The following DOCK7 variants were observed in gnomAD, a reference collection of about 807,000 sequenced individuals.
DOCK7 encodes the protein dedicator of cytokinesis protein 7.
In DOCK7, 138 loss-of-function variants were observed where a neutral mutation model predicts 271.0. The ratio of observed to expected loss-of-function variants is 0.51; its 90% CI spans 0.44 to 0.59. The LOEUF (loss-of-function observed/expected upper bound fraction) is 0.59, where lower values mean the gene tolerates loss of function less well. Ranked by LOEUF, DOCK7 falls within the 20% of genes least tolerant of loss-of-function variation. The pLI, the probability that DOCK7 is intolerant of heterozygous loss-of-function variation, is 0.00. For missense variants in DOCK7, 2,066 were observed against 2,592.4 expected (o/e 0.80, Z 4.41); for synonymous variants, 823 against 876.1 (o/e 0.94, Z 1.07).
At chr1:62,583,313 C>G (rs1483296222) in intron 15 of DOCK7, 59 bp from the exon 16 acceptor site, 11 of 1,449,524 alleles carry the variant, frequency 7.6e-6, no homozygotes, top group Admixed American at 1.7e-5. Context: ...TGTTTCATAA[C>G]TATGTAAGAA....
intron 1 of DOCK7, among the ~76,000 whole-genome samples, chr1:62,677,361 C>G (rs1660647896): frequency 6.6e-6 from 1 of 152,152 alleles, no homozygotes. Context: ...TTTTCTGCCA[C>G]AACTAAACTG....
rs187923800 is a variant in DOCK7, at chr1:62,667,740, G to A, written c.39-4610C>T. Reference sequence around the variant, plus strand: ...TCAAAAATAAATAAATAAATAGGCCGGGCGCAGTGGCTCACGCCTGTAATC... The same window carrying A: ...TCAAAAATAAATAAATAAATAGGCCAGGCGCAGTGGCTCACGCCTGTAATC... On this transcript the variant is annotated intron_variant, in intron 1 of 49. Coordinates refer to ENST00000635253, the MANE Select transcript of DOCK7 (RefSeq NM_001367561.1). Among the ~76,000 whole-genome samples the A allele has an allele frequency of 8.3e-3, 1,269 of 152,066 alleles. 12 individuals are homozygous for A. The highest frequency in any genetic ancestry group is 0.013 in the African/African-American group (522 of 41,482).
intron 14 of DOCK7, among the ~76,000 whole-genome samples, chr1:62,587,219 T>C (rs1647668447): frequency 6.8e-6 from 1 of 146,970 alleles, no homozygotes; most frequent in Non-Finnish European, 1.5e-5. Context: ...CAGCTCATCA[T>C]CTCTATCATA....
intron 16 of DOCK7, 103 bp downstream of exon 16, chr1:62,583,081 G>T: frequency 2.3e-6 from 2 of 874,814 alleles, no homozygotes; most frequent in Non-Finnish European, 3.6e-6. Context: ...CCTTGAATTT[G>T]GCACATTTAG....
At chr1:62,534,654 C>T (rs1031713388) in intron 29 of DOCK7, among the ~76,000 whole-genome samples, 1 of 152,060 alleles carries the variant, frequency 6.6e-6, no homozygotes, top group Admixed American at 6.5e-5. Context: ...ACAAAAATCA[C>T]ATCATCAGAC....
intron 18 of DOCK7, among the ~76,000 whole-genome samples, chr1:62,574,647 T>C (rs1214007573): frequency 1.3e-5 from 2 of 152,228 alleles, no homozygotes; most frequent in African/African-American, 4.8e-5. Flanking sequence ...TTTTGACTTC[T>C]TTTAAAACAT....
chr1:62,562,003 T>TATATATGTAC (rs1646338839), intron 18 of DOCK7, among the ~76,000 whole-genome samples: 2 of 151,610 alleles, frequency 1.3e-5, no homozygotes, highest in African/African-American at 4.9e-5. Context: ...TATATGTACA[T>TATATATGTAC]ATATATGTAC....
chr1:62,632,305 G>C (rs1342901029), intron 10 of DOCK7, among the ~76,000 whole-genome samples: 1 of 152,144 alleles, frequency 6.6e-6, no homozygotes, highest in African/African-American at 2.4e-5. Flanking sequence ...GTAAAAAGCA[G>C]AATAAGCTGC....
chr1:62,516,211 G>A (rs1644657968), intron 31 of DOCK7, among the ~76,000 whole-genome samples: 1 of 151,912 alleles, frequency 6.6e-6, no homozygotes, highest in Admixed American at 6.6e-5. Flanking sequence ...TAAAAAAGAT[G>A]GTCACATTTG....
At chr1:62,594,212 C>T (rs1056793603) in intron 14 of DOCK7, among the ~76,000 whole-genome samples, 3 of 152,066 alleles carry the variant, frequency 2.0e-5, no homozygotes, top group Non-Finnish European at 4.4e-5. Flanking sequence ...CTGCTTTTAG[C>T]AGTGTGTACT....
Position 62,619,991 on chromosome 1 carries a change from T to G in DOCK7, c.1428A>C (p.Glu476Asp). The G allele has an allele frequency of 6.2e-7, 1 of 1,610,040 alleles. No individual in the cohort carries two copies. Among genetic ancestry groups the G allele is most frequent in the Non-Finnish European group, 8.5e-7 (1 of 1,177,542 alleles). The stretch of plus-strand genomic sequence containing the variant: ...GATCTTCATCACTTAAGCGGTCTCC[T>G]TCCTGATTTCAATAATAGAGGAAAA... Reference protein sequence around the residue: ...TLTVTNFFKQEGDRLSDEDLY... With the variant: ...TLTVTNFFKQDGDRLSDEDLY... The change falls in exon 13 of 50, where the codon GAA becomes GAC. Residue 476 changes from glutamate (E) to aspartate (D), a missense_variant and splice_region_variant. By Grantham distance (45) the Glu-to-Asp change is conservative. This residue lies in a region of DOCK7 where 1,414 missense variants were observed against 1,670.4 expected (regional missense o/e 0.85). Coordinates refer to ENST00000635253, the MANE Select transcript of DOCK7 (RefSeq NM_001367561.1).
intron 33 of DOCK7, chr1:62,511,456 T>C (rs1359225652): frequency 6.6e-6 from 1 of 152,166 alleles, no homozygotes; most frequent in Non-Finnish European, 1.5e-5. Context: ...CTTTCAACTA[T>C]AAAACTGCTT....
intron 31 of DOCK7, among the ~76,000 whole-genome samples, chr1:62,521,780 A>G (rs904615300): frequency 5.3e-5 from 8 of 152,124 alleles, no homozygotes; most frequent in African/African-American, 1.9e-4. Flanking sequence ...GTTCAAGACT[A>G]GTCTGGCCAA....
chr1:62,565,817 A>C (rs1286535995), intron 18 of DOCK7, among the ~76,000 whole-genome samples: 1 of 152,236 alleles, frequency 6.6e-6, no homozygotes, highest in Non-Finnish European at 1.5e-5. Context: ...CCATTGTCTC[A>C]GCCCAAAATC....
intron 33 of DOCK7, among the ~76,000 whole-genome samples, chr1:62,511,592 A>C (rs1334868653): frequency 6.6e-6 from 1 of 152,180 alleles, no homozygotes; most frequent in East Asian, 1.9e-4. Flanking sequence ...ACAACTATAC[A>C]TATGTCAATT....
intron 4 of DOCK7, among the ~76,000 whole-genome samples, chr1:62,648,786 G>C (rs1277490877): frequency 6.6e-6 from 1 of 151,946 alleles, no homozygotes; most frequent in East Asian, 2.0e-4. Flanking sequence ...CCAATCATGT[G>C]TATATAAATT....
chr1:62,633,655 A>G (rs1654899234), intron 9 of DOCK7, 77 bp from the exon 10 acceptor site: 2 of 941,308 alleles, frequency 2.1e-6, no homozygotes, highest in East Asian at 4.8e-5. Context: ...ACGAAAATCA[A>G]TATAACACAT....
chr1:62,480,870 G>A (rs1480381116), intron 43 of DOCK7, among the ~76,000 whole-genome samples: 3 of 152,082 alleles, frequency 2.0e-5, no homozygotes, highest in African/African-American at 7.2e-5. Flanking sequence ...TAAGCCTGGC[G>A]CCGTGGCGGG....
chr1:62,503,819 A>G (rs925475827), intron 37 of DOCK7, among the ~76,000 whole-genome samples: 15 of 152,004 alleles, frequency 9.9e-5, no homozygotes, highest in African/African-American at 3.4e-4. Flanking sequence ...AGGCCGAGGC[A>G]GGCGGATCAC....
Sources: allele counts gnomAD v4.1 joint callset (sites outside exome capture counted in the v4.1 genomes callset), GRCh38; gene constraint gnomAD v4.1.1; regional missense constraint gnomAD v4.1.1; transcripts MANE v1.5; gene names NCBI Gene and HGNC (gene_info 2026-07-23, HGNC 2026-07-21).